SCG3: variants seen among roughly 807,000 people sequenced by gnomAD.
SCG3 encodes secretogranin III.
SCG3 carries 38 observed loss-of-function variants against 56.2 expected under a neutral mutation model. That is an observed-to-expected ratio of 0.68 (90% CI 0.52 to 0.89). SCG3 has a LOEUF of 0.89. Among genes scored for constraint, SCG3 ranks in the 40% least tolerant of loss-of-function variants. The pLI, the probability that SCG3 is intolerant of heterozygous loss-of-function variation, is 0.00. For missense variants in SCG3, 524 were observed against 540.7 expected (o/e 0.97, Z 0.31); for synonymous variants, 176 against 184.2 (o/e 0.96, Z 0.36).
chr15:51,702,594 A>G (rs995649826), intron 10 of SCG3, among the ~76,000 whole-genome samples: 2 of 152,114 alleles, frequency 1.3e-5, no homozygotes, highest in African/African-American at 4.8e-5. Flanking sequence ...CATACCCCCA[A>G]AGAAAAAGAC....
rs1457755764 is a variant in SCG3 at position 51,713,377 on chromosome 15, T to C, written c.1252T>C (p.Trp418Arg). The C allele has an allele frequency of 2.5e-6, 4 of 1,607,108 alleles. No homozygotes were observed. In the South Asian group the frequency reaches 4.5e-5, roughly 18 times the overall value. ...YLEAIRKNIEWLKKHDKKGNK... is the reference protein window; with the variant it reads ...YLEAIRKNIERLKKHDKKGNK... ...GGAAGCCATCAGAAAAAATATTGAA[T>C]GGTTGAAGAAACATGACAAAAAGGG... Residue 418 changes from tryptophan (W) to arginine (R), a missense_variant, in exon 11 of 12, where the codon TGG becomes CGG. Coordinates refer to ENST00000220478, the MANE Select transcript of SCG3 (RefSeq NM_013243.4).
chr15:51,698,243 A>G (rs2055316628), intron 8 of SCG3, among the ~76,000 whole-genome samples: 1 of 152,220 alleles, frequency 6.6e-6, no homozygotes, highest in South Asian at 2.1e-4. Flanking sequence ...AGAATGGCAG[A>G]AAAGGCTCGT....
chr15:51,692,477 C>A, intron 7 of SCG3, 141 bp downstream of exon 7: 2 of 695,884 alleles, frequency 2.9e-6, no homozygotes, highest in Non-Finnish European at 4.5e-6. Flanking sequence ...AAAGGGTTCA[C>A]ATCGATTTTT....
chr15:51,696,867 C>T (rs2055307028), intron 8 of SCG3, among the ~76,000 whole-genome samples: 1 of 152,184 alleles, frequency 6.6e-6, no homozygotes, highest in Non-Finnish European at 1.5e-5. Context: ...CAGGCCCCAC[C>T]TCCAACACTG....
At chr15:51,698,260 A>G (rs551981635) in intron 8 of SCG3, among the ~76,000 whole-genome samples, 1 of 152,334 alleles carries the variant, frequency 6.6e-6, no homozygotes, top group African/African-American at 2.4e-5. Flanking sequence ...TCGTCCTAAA[A>G]TAGTGTAGTG....
At position 51,704,126 on chromosome 15, in the gene SCG3, G is replaced by A. The variant is rs182552144; in HGVS notation, c.1207+2882G>A. Among the ~76,000 whole-genome samples the A allele has an allele frequency of 7.3e-4, 111 of 151,030 alleles. 2 individuals are homozygous for A. Among genetic ancestry groups the A allele is most frequent in the Non-Finnish European group, 7.4e-5 (5 of 67,794 alleles). ...ACTGGTGATATGTGTGCCATGTTTG[G>A]GGACCCTGTAGACCAATCAGGCTGC... On this transcript the variant is annotated intron_variant, in intron 10 of 11. Transcript: ENST00000220478.
rs570147394 is a variant in SCG3 at position 51,694,387 on chromosome 15, C to T, written c.869-1488C>T. Among the ~76,000 whole-genome samples, 14 of 152,264 alleles carry T rather than the reference C, an allele frequency of 9.2e-5. No individual in the cohort carries two copies. In the South Asian group the frequency reaches 2.1e-3, roughly 23 times the overall value. ...ATGATTTGGGTCTGCAGAACAGGCTCGTTTCTCAGGTTCTTGCCTTGCACT... is the reference window on the plus strand; with the variant it reads ...ATGATTTGGGTCTGCAGAACAGGCTTGTTTCTCAGGTTCTTGCCTTGCACT... On this transcript the variant is annotated intron_variant, in intron 7 of 11. Coordinates refer to ENST00000220478, the MANE Select transcript of SCG3 (RefSeq NM_013243.4).
At chr15:51,714,050 C>T (rs1457620254) in intron 11 of SCG3, among the ~76,000 whole-genome samples, 1 of 152,130 alleles carries the variant, frequency 6.6e-6, no homozygotes, top group Non-Finnish European at 1.5e-5. Context: ...AAGGATGAAT[C>T]TGCCGAGTGA....
chr15:51,692,405 T>C, intron 7 of SCG3, 69 bp downstream of exon 7: 1 of 1,386,638 alleles, frequency 7.2e-7, no homozygotes, highest in Non-Finnish European at 9.8e-7. Context: ...GGGTGTGTTC[T>C]TTTCTTCCTG....
intron 7 of SCG3, among the ~76,000 whole-genome samples, chr15:51,694,885 G>T (rs2055292788): frequency 6.6e-6 from 1 of 152,110 alleles, no homozygotes; most frequent in Admixed American, 6.5e-5. Flanking sequence ...ACAAAAATTA[G>T]CCAGGCATGG....
chr15:51,692,292 A>G lies in SCG3; in HGVS notation c.824A>G (p.Gln275Arg). Reference protein sequence around the residue: ...TYSEDNFEELQYFPNFYALLK... With the variant: ...TYSEDNFEELRYFPNFYALLK... ...AGTGAAGACAACTTTGAGGAACTCCAATATTTCCCAAATTTCTATGCGCTA... is the reference window on the plus strand; with the variant it reads ...AGTGAAGACAACTTTGAGGAACTCCGATATTTCCCAAATTTCTATGCGCTA... Residue 275 changes from glutamine (Q) to arginine (R), a missense_variant, in exon 7 of 12, where the codon CAA becomes CGA. By Grantham distance (43) the Gln-to-Arg change is conservative. Coordinates refer to ENST00000220478, the MANE Select transcript of SCG3 (RefSeq NM_013243.4). 3.1e-6 allele frequency: 5 copies of G among 1,613,958 alleles called. No homozygotes were observed. Among genetic ancestry groups the G allele is most frequent in the Non-Finnish European group, 4.2e-6 (5 of 1,179,942 alleles).
intron 4 of SCG3, among the ~76,000 whole-genome samples, chr15:51,686,279 C>T (rs921779333): frequency 4.6e-5 from 7 of 152,292 alleles, no homozygotes; most frequent in Admixed American, 1.3e-4. Flanking sequence ...AATGGTCACA[C>T]GTTCCACTGT....
intron 11 of SCG3, among the ~76,000 whole-genome samples, chr15:51,717,700 TG>T (rs2055467266): frequency 6.6e-6 from 1 of 152,208 alleles, no homozygotes; most frequent in Non-Finnish European, 1.5e-5. Flanking sequence ...CTTGTGGAGC[TG>T]GGGTGCAACA....
At chr15:51,713,602 C>T (rs1272987794) in intron 11 of SCG3, among the ~76,000 whole-genome samples, 189 bp downstream of exon 11, 6 of 152,196 alleles carry the variant, frequency 3.9e-5, no homozygotes, top group Non-Finnish European at 7.3e-5. Flanking sequence ...ATTAGCCTTT[C>T]AAGCAAAGGC....
In SCG3 at chr15:51,688,368, A is replaced by T; in HGVS notation, c.506A>T (p.Asp169Val). ...GAAGAAAATGACAGAGCCGTGTTTG[A>T]CAAGATTGTTTCTAAACTACTTAAT... ...IYEENDRAVF[D>V]KIVSKLLNLG... Residue 169 changes from aspartate (D) to valine (V), a missense_variant, in exon 5 of 12, where the codon GAC (aspartate) becomes GTC (valine). Coordinates refer to ENST00000220478, the MANE Select transcript of SCG3 (RefSeq NM_013243.4). 6.2e-7 allele frequency: 1 copy of T among 1,613,688 alleles called. No individual in the cohort carries two copies.
In SCG3 at chr15:51,692,242, C is replaced by T; in HGVS notation, c.774C>T (p.Gly258=). The T allele has an allele frequency of 6.2e-7, 1 of 1,613,946 alleles. No individual in the cohort carries two copies. Among genetic ancestry groups the T allele is most frequent in the Non-Finnish European group, 8.5e-7 (1 of 1,179,874 alleles). The part of the protein sequence containing the change: ...TVSNTLTLTN[G]LERRTKTYSE... ...CTAACACATTAACCTTGACAAATGGCTTGGAAAGGAGAACTAAAACCTACA... is the reference window on the plus strand; with the variant it reads ...CTAACACATTAACCTTGACAAATGGTTTGGAAAGGAGAACTAAAACCTACA... Residue 258 remains glycine (G), a synonymous_variant, in exon 7 of 12, where the codon GGC becomes GGT. Transcript: ENST00000220478.
intron 10 of SCG3, among the ~76,000 whole-genome samples, chr15:51,702,547 G>A (rs1310624824): frequency 6.6e-6 from 1 of 152,158 alleles, no homozygotes; most frequent in Non-Finnish European, 1.5e-5. Context: ...GTGAGCCACC[G>A]TGCTCGGCCA....
At chr15:51,694,228 A>T (rs1448584802) in intron 7 of SCG3, among the ~76,000 whole-genome samples, 2 of 152,204 alleles carry the variant, frequency 1.3e-5, no homozygotes. Flanking sequence ...TGAATAAAGC[A>T]GGTAGGAAAC....
chr15:51,703,397 T>C lies in SCG3; in HGVS notation c.1207+2153T>C, dbSNP rs78785467. On this transcript the variant is annotated intron_variant, in intron 10 of 11. Coordinates refer to ENST00000220478, the MANE Select transcript of SCG3 (RefSeq NM_013243.4). Reference sequence around the variant, plus strand: ...AATAAAATTACAAACTATTTCCTTTTTATATTACTATTACCTTTGCTAACA... The same window carrying C: ...AATAAAATTACAAACTATTTCCTTTCTATATTACTATTACCTTTGCTAACA... 2.7e-3 allele frequency among the ~76,000 whole-genome samples: 412 copies of C among 152,360 alleles called. 22 individuals are homozygous for C. In the East Asian group the frequency reaches 0.064, roughly 24 times the overall value.
Sources: allele counts gnomAD v4.1 joint callset (sites outside exome capture counted in the v4.1 genomes callset), GRCh38; gene constraint gnomAD v4.1.1; transcripts MANE v1.5; gene names NCBI Gene and HGNC (gene_info 2026-07-23, HGNC 2026-07-21).